EXOC6B: variants seen among roughly 807,000 people sequenced by gnomAD.
The protein encoded by EXOC6B is SEC15 homolog B.
A neutral mutation model predicts 113.5 loss-of-function variants in EXOC6B; 54 were observed. The ratio of observed to expected loss-of-function variants is 0.48; its 90% CI spans 0.38 to 0.60. The LOEUF (loss-of-function observed/expected upper bound fraction) is 0.60. Among genes scored for constraint, EXOC6B ranks in the 20% least tolerant of loss-of-function variants. EXOC6B has a pLI of 0.00. For synonymous variants in EXOC6B, 357 were observed against 339.0 expected (o/e 1.05, Z -0.58); for missense variants, 797 against 977.5 (o/e 0.82, Z 2.46).
intron 1 of EXOC6B, among the ~76,000 whole-genome samples, chr2:72,820,848 C>T (rs1426095069): frequency 1.3e-5 from 2 of 151,888 alleles, no homozygotes; most frequent in Admixed American, 6.6e-5. Flanking sequence ...CAAAATGAAT[C>T]ACAGATCTAA....
chr2:72,425,194 CTGGA>C (rs932575048), intron 18 of EXOC6B, among the ~76,000 whole-genome samples: 5 of 152,070 alleles, frequency 3.3e-5, no homozygotes, highest in African/African-American at 1.2e-4. Flanking sequence ...GCTTTATGGC[CTGGA>C]TTTTATTAGT....
chr2:72,187,363 C>G (rs924655435), intron 20 of EXOC6B, among the ~76,000 whole-genome samples: 1 of 151,996 alleles, frequency 6.6e-6, no homozygotes, highest in African/African-American at 2.4e-5. Context: ...TACCCCAGCT[C>G]TTTTAGCCTT....
intron 2 of EXOC6B, among the ~76,000 whole-genome samples, chr2:72,736,347 T>C (rs1680961754): frequency 6.6e-6 from 1 of 152,234 alleles, no homozygotes; most frequent in Admixed American, 6.5e-5. Context: ...CATTGGTATG[T>C]TGAAATAGCA....
chr2:72,306,025 C>T (rs1686833541), intron 20 of EXOC6B, among the ~76,000 whole-genome samples: 1 of 152,052 alleles, frequency 6.6e-6, no homozygotes, highest in Non-Finnish European at 1.5e-5. Flanking sequence ...TCCTGAGAAT[C>T]CTGAATACAT....
At chr2:72,781,236 T>C (rs1684019264) in intron 1 of EXOC6B, among the ~76,000 whole-genome samples, 1 of 152,230 alleles carries the variant, frequency 6.6e-6, no homozygotes, top group African/African-American at 2.4e-5. Flanking sequence ...ACACAAGGTT[T>C]TCTCCTCTCT....
At chr2:72,248,992 G>A (rs970411389) in intron 20 of EXOC6B, among the ~76,000 whole-genome samples, 8 of 152,136 alleles carry the variant, frequency 5.3e-5, no homozygotes, top group African/African-American at 1.9e-4. Flanking sequence ...GGCTGGGTGT[G>A]GTAGCTCAAG....
chr2:72,397,626 A>AAAAATAAT (rs1297110503), intron 18 of EXOC6B, among the ~76,000 whole-genome samples: 1 of 131,614 alleles, frequency 7.6e-6, no homozygotes, highest in African/African-American at 3.1e-5. Flanking sequence ...TCAAAAAAAA[A>AAAAATAAT]AAATAAAATA....
intron 6 of EXOC6B, among the ~76,000 whole-genome samples, chr2:72,644,326 G>A (rs1455722796): frequency 1.3e-5 from 2 of 152,176 alleles, no homozygotes; most frequent in African/African-American, 4.8e-5. Context: ...TTTGATTGGT[G>A]TACCTGAAAA....
chr2:72,619,183 G>A (rs1290835561), intron 6 of EXOC6B, among the ~76,000 whole-genome samples: 1 of 125,618 alleles, frequency 8.0e-6, no homozygotes, highest in South Asian at 2.2e-4. Flanking sequence ...CACAGCCAGA[G>A]AGAGAGAGAG....
chr2:72,737,975 A>C (rs1053976413), intron 2 of EXOC6B, among the ~76,000 whole-genome samples: 3 of 152,210 alleles, frequency 2.0e-5, no homozygotes, highest in African/African-American at 7.2e-5. Context: ...AATATATCCT[A>C]ATACTCTGTA....
chr2:72,532,581 G>A (rs1042246221), intron 8 of EXOC6B, among the ~76,000 whole-genome samples: 62 of 152,168 alleles, frequency 4.1e-4, no homozygotes, highest in African/African-American at 1.3e-3. Context: ...AGGCCGAGGC[G>A]GGCGGATCAC....
At chr2:72,256,481 A>G (rs563862951) in intron 20 of EXOC6B, among the ~76,000 whole-genome samples, 1 of 152,328 alleles carries the variant, frequency 6.6e-6, no homozygotes, top group East Asian at 1.9e-4. Context: ...AGTAACTGGA[A>G]TGGGAATTAG....
intron 6 of EXOC6B, among the ~76,000 whole-genome samples, chr2:72,696,799 C>T (rs548928676): frequency 2.0e-5 from 3 of 152,144 alleles, no homozygotes; most frequent in East Asian, 1.9e-4. Flanking sequence ...CAGACTGAAG[C>T]GCTATCTATG....
chr2:72,278,567 G>A (rs990785408), intron 20 of EXOC6B, among the ~76,000 whole-genome samples: 4 of 152,088 alleles, frequency 2.6e-5, no homozygotes, highest in Non-Finnish European at 5.9e-5. Context: ...ATCCTCTGGG[G>A]TCCTAAAAAG....
intron 6 of EXOC6B, among the ~76,000 whole-genome samples, chr2:72,632,526 GA>G (rs1413313146): frequency 6.6e-6 from 1 of 151,842 alleles, no homozygotes; most frequent in Non-Finnish European, 1.5e-5. Context: ...TTAAAACCTG[GA>G]AATAATATAA....
At chr2:72,289,601 C>T (rs1685661896) in intron 20 of EXOC6B, among the ~76,000 whole-genome samples, 1 of 152,086 alleles carries the variant, frequency 6.6e-6, no homozygotes, top group Admixed American at 6.5e-5. Context: ...CTCATTTTTA[C>T]TCATTGTGAT....
chr2:72,644,253 AG>A (rs1343438735), intron 6 of EXOC6B, among the ~76,000 whole-genome samples: 1 of 152,198 alleles, frequency 6.6e-6, no homozygotes, highest in Non-Finnish European at 1.5e-5. Flanking sequence ...GAGAAAAAAC[AG>A]CAAAAAGAAA....
At chr2:72,431,533 C>CTATA (rs1695532532) in intron 18 of EXOC6B, among the ~76,000 whole-genome samples, 1 of 151,282 alleles carries the variant, frequency 6.6e-6, no homozygotes, top group Non-Finnish European at 1.5e-5. Flanking sequence ...ATCTATCTAT[C>CTATA]TATCTAAGAC....
Position 72,742,357 on chromosome 2 carries a change from G to A in EXOC6B, c.114-888C>T, listed in dbSNP as rs372113693. On this transcript the variant is annotated intron_variant, in intron 1 of 21. Coordinates refer to ENST00000272427, the MANE Select transcript of EXOC6B (RefSeq NM_015189.3). Reference sequence around the variant, plus strand: ...TTTTATTTTTTTAATAAAAGATGAAGTCTCAATATGTTGGCCAGGTTGATC... The same window carrying A: ...TTTTATTTTTTTAATAAAAGATGAAATCTCAATATGTTGGCCAGGTTGATC... Among the ~76,000 whole-genome samples, 18 of 152,044 alleles carry A rather than the reference G, an allele frequency of 1.2e-4. No homozygotes were observed. The East Asian group carries it at 1.9e-3, about 16-fold the overall frequency.
Sources: gnomAD v4.1 joint callset for allele counts (sites outside exome capture counted in the v4.1 genomes callset) on GRCh38, gnomAD v4.1.1 for gene constraint, MANE v1.5 for transcripts, NCBI Gene and HGNC (gene_info 2026-07-23, HGNC 2026-07-21) for gene names.